MTFR1: variants seen among roughly 807,000 people sequenced by gnomAD.
MTFR1 encodes the protein mitochondrial fission regulator 1, also known as chondrocyte protein with a poly-proline region.
In MTFR1, 28 loss-of-function variants were observed where a neutral mutation model predicts 38.8. The observed-to-expected ratio is 0.72, with a 90% CI of 0.53 to 0.99. MTFR1 has a LOEUF of 0.99. Ranked by LOEUF, MTFR1 falls within the 50% of genes least tolerant of loss-of-function variation. The pLI is 0.00. For missense variants in MTFR1, 358 were observed against 395.5 expected (o/e 0.91, Z 0.81); for synonymous variants, 145 against 137.0 (o/e 1.06, Z -0.41).
At chr8:65,730,171 C>CTTTTTTTTTTTTTTTTTTTTTTTTT (rs1179431555) in intron 3 of MTFR1, among the ~76,000 whole-genome samples, 1 of 86,448 alleles carries the variant, frequency 1.2e-5, no homozygotes, top group Non-Finnish European at 2.1e-5. Flanking sequence ...TTGCGCACTT[C>CTTTTTTTTTTTTTTTTTTTTTTTTT]TTTTTTTTTT....
chr8:65,714,617 A>G (rs990027457), downstream of MTFR1: 3 of 152,190 alleles, frequency 2.0e-5, no homozygotes, highest in African/African-American at 7.2e-5. Flanking sequence ...CTTTGAAAGC[A>G]ATACTGAATT....
chr8:65,704,852 T>C lies in MTFR1; in HGVS notation c.440T>C (p.Leu147Pro). The change falls in exon 5 of 8, where the codon CTC (leucine) becomes CCC (proline). Residue 147 changes from leucine (L) to proline (P), a missense_variant. Transcript: ENST00000262146. ...GAAGCACTGCAGAAGATTTGCGCTC[T>C]CGAAAATGAACTTGCTGCTCTCAGA... ...NEEALQKICA[L>P]ENELAALRAQ... 6.2e-7 allele frequency: 1 copy of C among 1,613,894 alleles called. No homozygotes were observed. Among genetic ancestry groups the C allele is most frequent in the Non-Finnish European group, 8.5e-7 (1 of 1,179,932 alleles).
At chr8:65,735,429 CT>C (rs1331996781) in intron 3 of MTFR1, among the ~76,000 whole-genome samples, 1 of 152,072 alleles carries the variant, frequency 6.6e-6, no homozygotes, top group Non-Finnish European at 1.5e-5. Context: ...CCACCTCAGC[CT>C]CCCAAGTAGT....
rs569698242 is a variant in MTFR1, at chr8:65,686,233, T to C, written c.165+3782T>C. Among the ~76,000 whole-genome samples the C allele has an allele frequency of 2.0e-5, 3 of 152,302 alleles. No homozygotes were observed. In the South Asian group the frequency reaches 6.2e-4, roughly 32 times the overall value. On this transcript the variant is annotated intron_variant, in intron 3 of 7. Transcript: ENST00000262146. The stretch of plus-strand genomic sequence containing the variant: ...CTATAATTTTATAGTCAGTTGGCCC[T>C]TAAAGATTACTGAATCCAGCAACAA...
intron 4 of MTFR1, among the ~76,000 whole-genome samples, chr8:65,699,673 T>C (rs1472770199): frequency 1.3e-5 from 2 of 152,138 alleles, no homozygotes; most frequent in African/African-American, 2.4e-5. Flanking sequence ...AAGTTCACCA[T>C]GTGGATCTCT....
downstream of MTFR1, among the ~76,000 whole-genome samples, chr8:65,774,741 T>C (rs1250681962): frequency 6.6e-6 from 1 of 151,892 alleles, no homozygotes; most frequent in East Asian, 1.9e-4. Context: ...TATAAACCCA[T>C]AACATGTAAC....
chr8:65,723,632 A>T (rs1003714472), intron 3 of MTFR1: 2 of 1,516,234 alleles, frequency 1.3e-6, no homozygotes, highest in African/African-American at 2.9e-5. Context: ...CTATAAATTA[A>T]AAAAAGAGAA....
intron 3 of MTFR1, among the ~76,000 whole-genome samples, chr8:65,762,353 A>G (rs549840492): frequency 3.3e-5 from 5 of 152,204 alleles, no homozygotes; most frequent in African/African-American, 1.2e-4. Flanking sequence ...TTTAGCATGC[A>G]TGAATGAATA....
intron 5 of MTFR1, 54 bp from the exon 6 acceptor site, chr8:65,706,956 A>G (rs1410753818): frequency 6.6e-7 from 1 of 1,516,820 alleles, no homozygotes. Context: ...AAAAACTGAT[A>G]TTTTCTTTGC....
At chr8:65,733,908 T>C (rs1237304724) in intron 3 of MTFR1, among the ~76,000 whole-genome samples, 1 of 152,092 alleles carries the variant, frequency 6.6e-6, no homozygotes, top group Non-Finnish European at 1.5e-5. Flanking sequence ...GAGAGAGCAG[T>C]TTTGAAGTAG....
rs563064351 is a variant in MTFR1 at position 65,757,780 on chromosome 8, G to A, written c.*49-13167G>A. Among the ~76,000 whole-genome samples, 6 of 152,046 alleles carry A rather than the reference G, an allele frequency of 3.9e-5. No individual in the cohort carries two copies. In the South Asian group the frequency reaches 6.2e-4, roughly 16 times the overall value. On this transcript the variant is annotated intron_variant, in intron 3 of 3. Transcript: ENST00000521247. ...ACTACAGACGTGTGCCACCACGCCC[G>A]GCTAACTTTTGCATTTTTAGTAGAG...
chr8:65,768,285 G>A (rs1808899312), intron 3 of MTFR1, among the ~76,000 whole-genome samples: 1 of 152,120 alleles, frequency 6.6e-6, no homozygotes. Flanking sequence ...ATTCTGATAT[G>A]GTTTGGCTGT....
At chr8:65,662,057 C>T (rs1294075324) in intron 1 of MTFR1, among the ~76,000 whole-genome samples, 3 of 90,838 alleles carry the variant, frequency 3.3e-5, no homozygotes, top group East Asian at 2.4e-4. Flanking sequence ...CTCTCTCCCT[C>T]TCTCTCTCCC....
At chr8:65,673,827 A>G (rs895268146) in intron 2 of MTFR1, among the ~76,000 whole-genome samples, 3 of 151,720 alleles carry the variant, frequency 2.0e-5, no homozygotes, top group African/African-American at 7.3e-5. Context: ...AATCGCTTGA[A>G]CCCAGGAGGC....
intron 4 of MTFR1, 66 bp downstream of exon 4, chr8:65,693,825 C>A: frequency 8.1e-7 from 1 of 1,238,854 alleles, no homozygotes; most frequent in Non-Finnish European, 1.2e-6. Flanking sequence ...ATATTATTTG[C>A]AGTACTTATT....
chr8:65,665,348 T>C (rs1585754851), intron 1 of MTFR1, among the ~76,000 whole-genome samples: 1 of 152,306 alleles, frequency 6.6e-6, no homozygotes, highest in East Asian at 1.9e-4. Context: ...TTATTCACCA[T>C]TGGCTCTCAG....
At chr8:65,765,133 G>GA (rs1808702343) in intron 3 of MTFR1, among the ~76,000 whole-genome samples, 1 of 152,164 alleles carries the variant, frequency 6.6e-6, no homozygotes, top group Non-Finnish European at 1.5e-5. Flanking sequence ...TAAATATCCT[G>GA]AAAGGTCCCC....
chr8:65,719,561 A>G, intron 3 of MTFR1: 1 of 1,039,706 alleles, frequency 9.6e-7, no homozygotes, highest in Non-Finnish European at 1.5e-6. Context: ...AACATCATCT[A>G]TACAACATTA....
At position 65,668,468 on chromosome 8, in the gene MTFR1, A is replaced by G. The variant is rs184719671; in HGVS notation, c.-80-1405A>G. 4.7e-4 allele frequency among the ~76,000 whole-genome samples: 67 copies of G among 141,742 alleles called. 1 individual carries two copies. Among genetic ancestry groups the G allele is most frequent in the Admixed American group, 3.5e-3 (50 of 14,416 alleles). 93.0% of individuals were successfully genotyped at this position (141,742 alleles called of 152,430 possible). On this transcript the variant is annotated intron_variant, in intron 1 of 7. Transcript: ENST00000262146. ...CCCCCAAAATGCTGGGATTACAGACATGAGCCACCGCACCCAGCCTTTAAG... is the reference window on the plus strand; with the variant it reads ...CCCCCAAAATGCTGGGATTACAGACGTGAGCCACCGCACCCAGCCTTTAAG...
Sources: gnomAD v4.1 joint callset for allele counts (sites outside exome capture counted in the v4.1 genomes callset) on GRCh38, gnomAD v4.1.1 for gene constraint, MANE v1.5 for transcripts, NCBI Gene and HGNC (gene_info 2026-07-23, HGNC 2026-07-21) for gene names.